FYB2: variants seen among roughly 807,000 people sequenced by gnomAD.
FYB2 encodes FYN binding protein 2.
FYB2 carries 103 observed loss-of-function variants against 94.1 expected under a neutral mutation model. The observed-to-expected ratio is 1.09, with a 90% CI of 0.93 to 1.29. The LOEUF is 1.29. FYB2 is among the 50% of genes most tolerant of loss of function. The probability of loss-of-function intolerance (pLI) is 0.00; values close to 1 mark genes in which losing one functional copy is unlikely to be tolerated. For synonymous variants in FYB2, 293 were observed against 287.9 expected, an observed-to-expected ratio of 1.02 and a Z score of -0.18; for missense variants, 896 against 841.5, an observed-to-expected ratio of 1.06 and a Z score of -0.80.
upstream of FYB2, among the ~76,000 whole-genome samples, chr1:56,823,421 G>T (rs933705751): frequency 6.6e-6 from 1 of 152,128 alleles, no homozygotes; most frequent in African/African-American, 2.4e-5. Flanking sequence ...TTCGTATAAG[G>T]TATACAATTA....
chr1:56,780,866 G>A (rs894542691), intron 4 of FYB2, among the ~76,000 whole-genome samples: 3 of 152,138 alleles, frequency 2.0e-5, no homozygotes, highest in Admixed American at 2.0e-4. Context: ...TTATTGAAGT[G>A]GCTTAAGCTG....
At chr1:56,769,354 A>T (rs1645700233) in intron 4 of FYB2, among the ~76,000 whole-genome samples, 1 of 152,326 alleles carries the variant, frequency 6.6e-6, no homozygotes, top group African/African-American at 2.4e-5. Flanking sequence ...TGAATTATTT[A>T]GATATGAGGA....
At chr1:56,760,593 A>G (rs1003936582) in intron 5 of FYB2, among the ~76,000 whole-genome samples, 2 of 152,092 alleles carry the variant, frequency 1.3e-5, no homozygotes, top group African/African-American at 4.8e-5. Context: ...TAAAAATAAT[A>G]ATCTCCTCCT....
chr1:56,760,534 A>T (rs1377786631), intron 5 of FYB2, among the ~76,000 whole-genome samples: 3 of 152,156 alleles, frequency 2.0e-5, no homozygotes, highest in Non-Finnish European at 4.4e-5. Flanking sequence ...CCTGTTTGTG[A>T]TACAGTTTGC....
At chr1:56,770,487 C>G (rs1278270966) in intron 4 of FYB2, among the ~76,000 whole-genome samples, 1 of 152,034 alleles carries the variant, frequency 6.6e-6, no homozygotes, top group Admixed American at 6.5e-5. Context: ...AAATTTACTC[C>G]AATCTCACTT....
chr1:56,788,511 TG>T (rs1269605967), intron 3 of FYB2, among the ~76,000 whole-genome samples: 2 of 152,062 alleles, frequency 1.3e-5, no homozygotes, highest in East Asian at 1.9e-4. Flanking sequence ...ATCAGAGGGT[TG>T]GGGGTTGCAG....
intron 1 of FYB2, among the ~76,000 whole-genome samples, chr1:56,802,076 A>G (rs1361729): frequency 0.97 from 148,073 of 152,192 alleles, 72,153 homozygotes; most frequent in Middle Eastern, 1. Context: ...TAAAAGTTGC[A>G]AGCAGGAGAA....
At chr1:56,740,818 A>G (rs961019038) in intron 12 of FYB2, 23 bp from the exon 13 acceptor site, 11 of 1,488,278 alleles carry the variant, frequency 7.4e-6, no homozygotes, top group Non-Finnish European at 1.0e-5. Context: ...ACAGGATATA[A>G]GTAACATGGC....
intron 5 of FYB2, among the ~76,000 whole-genome samples, chr1:56,767,099 G>A (rs958573389): frequency 1.3e-5 from 2 of 152,174 alleles, no homozygotes; most frequent in Non-Finnish European, 1.5e-5. Context: ...GCTGTACATG[G>A]GGAACCTAAC....
intron 1 of FYB2, among the ~76,000 whole-genome samples, chr1:56,809,717 A>AT (rs3040405): frequency 6.6e-6 from 1 of 152,064 alleles, no homozygotes; most frequent in South Asian, 2.1e-4. Flanking sequence ...GTTTTTTTAC[A>AT]TTTTTTCCCC....
At chr1:56,782,089 T>G (rs1646022263) in intron 4 of FYB2, among the ~76,000 whole-genome samples, 3 of 152,206 alleles carry the variant, frequency 2.0e-5, no homozygotes, top group Admixed American at 2.0e-4. Context: ...TTGAAATATC[T>G]ATCACAATTT....
intron 2 of FYB2, 33 bp from the exon 3 acceptor site, chr1:56,789,167 G>T (rs1024257395): frequency 3.3e-6 from 5 of 1,529,848 alleles, no homozygotes; most frequent in Non-Finnish European, 4.4e-6. Context: ...TGTAAGTTAT[G>T]ATTATTTTCA....
chr1:56,761,543 A>C (rs1345513907), intron 5 of FYB2, among the ~76,000 whole-genome samples: 1 of 152,230 alleles, frequency 6.6e-6, no homozygotes, highest in Non-Finnish European at 1.5e-5. Context: ...CTAGAAGTAC[A>C]GTCTGCAAAG....
At chr1:56,747,598 T>G (rs1257939577) in intron 9 of FYB2, among the ~76,000 whole-genome samples, 2 of 152,156 alleles carry the variant, frequency 1.3e-5, no homozygotes, top group African/African-American at 4.8e-5. Flanking sequence ...CATTCTTTTT[T>G]ATGGCTGCAT....
At chr1:56,791,930 A>G in intron 2 of FYB2, 126 bp downstream of exon 2, 2 of 1,328,506 alleles carry the variant, frequency 1.5e-6, no homozygotes, top group East Asian at 2.4e-5. Context: ...CTAGAATATC[A>G]CGTGGAGAGT....
intron 1 of FYB2, among the ~76,000 whole-genome samples, chr1:56,805,889 G>A (rs765279465): frequency 2.6e-5 from 4 of 152,134 alleles, no homozygotes; most frequent in Non-Finnish European, 4.4e-5. Context: ...ATATGGAACT[G>A]TAAGTCCATT....
chr1:56,735,500 A>C (rs1000956987), intron 15 of FYB2, among the ~76,000 whole-genome samples: 10 of 152,126 alleles, frequency 6.6e-5, no homozygotes, highest in African/African-American at 2.4e-4. Flanking sequence ...TACAATATAC[A>C]GTGAGATATG....
chr1:56,767,407 A>G (rs780271522), intron 5 of FYB2, among the ~76,000 whole-genome samples: 16 of 152,178 alleles, frequency 1.1e-4, no homozygotes, highest in Non-Finnish European at 1.9e-4. Flanking sequence ...ACAGGGGCCT[A>G]ATTCTCATGG....
Position 56,819,329 on chromosome 1 carries a change from C to G in FYB2, c.-39G>C, listed in dbSNP as rs769569107. 2 of 1,613,876 alleles carry G rather than the reference C, an allele frequency of 1.2e-6. No homozygotes were observed. The highest frequency in any genetic ancestry group is 1.3e-5 in the African/African-American group (1 of 74,940). ...GGCAGAGTCAGGGAAACAAGCCCAG[C>G]CTCTCAGAGCTGGGTCCTGGGGCCA... On this transcript the variant is annotated 5_prime_UTR_variant, in exon 1 of 20. Coordinates refer to ENST00000343433, the MANE Select transcript of FYB2 (RefSeq NM_001004303.5).
Sources: allele counts gnomAD v4.1 joint callset (sites outside exome capture counted in the v4.1 genomes callset), GRCh38; gene constraint gnomAD v4.1.1; transcripts MANE v1.5; gene names NCBI Gene and HGNC (gene_info 2026-07-23, HGNC 2026-07-21).